The following MICAL3 variants were observed in gnomAD, a reference collection of about 807,000 sequenced individuals.
The protein encoded by MICAL3 is [F-actin]-monooxygenase MICAL3.
Under a neutral mutation model 207.4 loss-of-function variants are expected in MICAL3, and 62 were observed. The ratio of observed to expected loss-of-function variants is 0.30; its 90% CI spans 0.24 to 0.37. MICAL3 has a LOEUF of 0.37. Ranked by LOEUF, MICAL3 falls within the 10% of genes least tolerant of loss-of-function variation. The pLI is 1.00. For synonymous variants in MICAL3, 1,077 were observed against 1,069.3 expected, an observed-to-expected ratio of 1.01 and a Z score of -0.14; for missense variants, 2,368 against 2,635.6, an observed-to-expected ratio of 0.90 and a Z score of 2.22.
intron 1 of MICAL3, among the ~76,000 whole-genome samples, chr22:17,960,600 C>CT (rs1232282173): frequency 6.6e-6 from 1 of 152,106 alleles, no homozygotes; most frequent in Non-Finnish European, 1.5e-5. Context: ...GGAACTGGAC[C>CT]TGTTCAGGAT....
intron 1 of MICAL3, among the ~76,000 whole-genome samples, chr22:17,926,559 C>G (rs992993594): frequency 3.9e-5 from 6 of 152,228 alleles, no homozygotes; most frequent in Non-Finnish European, 5.9e-5. Flanking sequence ...TCTGCTCCAA[C>G]TCAGGTTACT....
At chr22:17,991,619 C>T (rs430912) in intron 1 of MICAL3, among the ~76,000 whole-genome samples, 35,391 of 152,036 alleles carry the variant, frequency 0.23, 4,754 homozygotes, top group East Asian at 0.52. Flanking sequence ...TATATTAATA[C>T]AGCAGGAAGC....
At chr22:17,843,003 C>G (rs1384788947) in intron 19 of MICAL3, among the ~76,000 whole-genome samples, 1 of 151,800 alleles carries the variant, frequency 6.6e-6, no homozygotes, top group East Asian at 1.9e-4. Context: ...CGCCTGTAGT[C>G]CCAGCTACTC....
chr22:17,895,955 T>A (rs943135346), intron 9 of MICAL3, among the ~76,000 whole-genome samples: 10 of 152,200 alleles, frequency 6.6e-5, no homozygotes, highest in African/African-American at 2.4e-4. Flanking sequence ...GAGAAACACT[T>A]ATAAGCAGTT....
chr22:17,936,503 A>C (rs1468792612), intron 1 of MICAL3, among the ~76,000 whole-genome samples: 1 of 152,004 alleles, frequency 6.6e-6, no homozygotes, highest in East Asian at 1.9e-4. Context: ...GCAGCAAACC[A>C]ACATGGCACG....
intron 1 of MICAL3, among the ~76,000 whole-genome samples, chr22:17,944,588 G>T (rs1569141714): frequency 1.3e-5 from 2 of 152,180 alleles, no homozygotes; most frequent in East Asian, 3.9e-4. Context: ...CGGTGTGCAG[G>T]CCTCCTGAGA....
chr22:17,881,567 A>G (rs184734202), intron 16 of MICAL3, among the ~76,000 whole-genome samples: 4 of 152,304 alleles, frequency 2.6e-5, no homozygotes, highest in Admixed American at 2.6e-4. Flanking sequence ...AGGGAGCAAC[A>G]GTTTTCTCAG....
At chr22:18,004,307 G>A (rs947480518) in intron 1 of MICAL3, 1 of 142,974 alleles carries the variant, frequency 7.0e-6, no homozygotes, top group African/African-American at 2.6e-5. Context: ...CGTTCTTGTT[G>A]CCCAGGCTGG....
At chr22:17,886,092 G>C in intron 15 of MICAL3, 41 bp from the exon 16 acceptor site, 1 of 1,607,168 alleles carries the variant, frequency 6.2e-7, no homozygotes, top group Non-Finnish European at 8.5e-7. Flanking sequence ...GCTGTGACAG[G>C]AGGCTCCCCC....
chr22:17,900,880 A>C lies in MICAL3; in HGVS notation c.809T>G (p.Phe270Cys), dbSNP rs1475960292. 1.2e-6 allele frequency: 2 copies of C among 1,613,860 alleles called. No individual in the cohort carries two copies. The highest frequency in any genetic ancestry group is 1.7e-6 in the Non-Finnish European group (2 of 1,179,884). ...CAGTTCCTGGAAAAATTTTTGGTTG[A>C]ATATAAAAGCCACACCACTGATCTC... ...VEEISGVAFI[F>C]NQKFFQELRE... is the part of the protein sequence containing the mutation. Residue 270 changes from phenylalanine to cysteine, a missense_variant, in exon 6 of 32, where the codon TTC (phenylalanine) becomes TGC (cysteine). This residue lies in a region of MICAL3 where 400 missense variants were observed against 547.0 expected (regional missense o/e 0.73). Transcript: ENST00000441493. The surrounding 1 kb of genome is among the most constrained non-coding windows in gnomAD (Gnocchi z 4.0).
At chr22:18,024,226 A>T (rs914955173) in intron 1 of MICAL3, 55 bp downstream of exon 1, 1 of 152,254 alleles carries the variant, frequency 6.6e-6, no homozygotes, top group Non-Finnish European at 1.5e-5. Context: ...CCAGCAAAAC[A>T]CATAACCTTG....
At chr22:17,952,076 G>A (rs1444679148) in intron 1 of MICAL3, among the ~76,000 whole-genome samples, 3 of 152,190 alleles carry the variant, frequency 2.0e-5, no homozygotes, top group Non-Finnish European at 2.9e-5. Context: ...AACACCCAGG[G>A]TGGAATGAAC....
intron 1 of MICAL3, among the ~76,000 whole-genome samples, chr22:17,926,311 G>A (rs2146307182): frequency 6.6e-6 from 1 of 152,302 alleles, no homozygotes; most frequent in South Asian, 2.1e-4. Flanking sequence ...ATATCCCAGG[G>A]GAGAAGCGTG....
At chr22:17,944,657 A>C (rs1415694591) in intron 1 of MICAL3, among the ~76,000 whole-genome samples, 4 of 152,176 alleles carry the variant, frequency 2.6e-5, no homozygotes, top group African/African-American at 9.7e-5. Flanking sequence ...GACTGTGGGG[A>C]CAGGCAGGTG....
intron 3 of MICAL3, among the ~76,000 whole-genome samples, chr22:17,903,831 C>T (rs1031698432): frequency 6.6e-6 from 1 of 152,218 alleles, no homozygotes; most frequent in African/African-American, 2.4e-5. Context: ...ACTGTGTTTA[C>T]AGGACACATC....
In MICAL3 at chr22:17,798,345, A is replaced by T. The variant is rs148754043; in HGVS notation, c.5651-7044T>A. ...GAAACTCTGTAGAGCCCCAAGGTTA[A>T]CGTCTTCCCCTTTCAGCCACACTTT... On this transcript the variant is annotated intron_variant, in intron 29 of 31. Transcript: ENST00000441493. Among the ~76,000 whole-genome samples, 526 of 152,274 alleles carry T rather than the reference A, an allele frequency of 3.5e-3. 3 individuals are homozygous for T. The highest frequency in any genetic ancestry group is 0.011 in the African/African-American group (460 of 41,538).
intron 1 of MICAL3, among the ~76,000 whole-genome samples, chr22:17,958,363 CTGA>C (rs1435034480): frequency 6.6e-6 from 1 of 152,240 alleles, no homozygotes; most frequent in African/African-American, 2.4e-5. Context: ...ACTCCACACA[CTGA>C]TGATGATGGC....
At chr22:17,906,232 C>T (rs777695786) in intron 2 of MICAL3, among the ~76,000 whole-genome samples, 3 of 152,182 alleles carry the variant, frequency 2.0e-5, no homozygotes, top group Non-Finnish European at 4.4e-5. Flanking sequence ...ATGAAACATG[C>T]TTAAAACAGG....
chr22:17,896,437 A>G, intron 8 of MICAL3, 76 bp from the exon 9 acceptor site: 1 of 969,714 alleles, frequency 1.0e-6, no homozygotes, highest in Non-Finnish European at 1.6e-6. Context: ...TAAGGAACAA[A>G]GAGTTTGCTG....
Sources: gnomAD v4.1 joint callset for allele counts (sites outside exome capture counted in the v4.1 genomes callset) on GRCh38, gnomAD v4.1.1 for gene constraint, gnomAD v4.1.1 regional missense constraint, Gnocchi (gnomAD v3.1) non-coding constraint, MANE v1.5 for transcripts, NCBI Gene and HGNC (gene_info 2026-07-23, HGNC 2026-07-21) for gene names.